Variants in FANCI observed in about 807,000 individuals in gnomAD.
FANCI encodes Fanconi anemia group I protein.
FANCI carries 156 observed loss-of-function variants against 176.1 expected under a neutral mutation model. That is an observed-to-expected ratio of 0.89 (90% confidence interval 0.78 to 1.01). The LOEUF (loss-of-function observed/expected upper bound fraction) is 1.01, where lower values mean the gene tolerates loss of function less well. Among genes scored for constraint, FANCI ranks in the 50% least tolerant of loss-of-function variants. The pLI, the probability that FANCI is intolerant of heterozygous loss-of-function variation, is 0.00. For missense variants in FANCI, 1,678 were observed against 1,534.1 expected (o/e 1.09, Z -1.57); for synonymous variants, 613 against 541.7 (o/e 1.13, Z -1.83).
At chr15:89,246,621 A>G (rs1338922815) in intron 1 of FANCI, among the ~76,000 whole-genome samples, 5 of 152,056 alleles carry the variant, frequency 3.3e-5, no homozygotes, top group Admixed American at 6.5e-5. Flanking sequence ...AATGTATACA[A>G]CCTGGTTGTC....
At chr15:89,246,932 A>AT (rs889480646) in intron 1 of FANCI, among the ~76,000 whole-genome samples, 48 of 149,648 alleles carry the variant, frequency 3.2e-4, no homozygotes, top group Non-Finnish European at 6.1e-4. Flanking sequence ...CGCCCAGCTA[A>AT]TTTTTTTTTG....
chr15:89,273,513 A>G (rs752942375), intron 11 of FANCI, 44 bp downstream of exon 11: 160 of 169,238 alleles, frequency 9.5e-4, no homozygotes, highest in Middle Eastern at 6.6e-3. Flanking sequence ...GTAGTTGGTA[A>G]AAAAAAAAAA....
chr15:89,258,593 C>T (rs746655580), intron 2 of FANCI, 111 bp from the exon 3 acceptor site: 14 of 815,614 alleles, frequency 1.7e-5, no homozygotes, highest in South Asian at 5.4e-5. Context: ...TAATACTTGG[C>T]GTCTCTGAAT....
chr15:89,286,486 G>C (rs997339359), intron 18 of FANCI, among the ~76,000 whole-genome samples: 1 of 152,156 alleles, frequency 6.6e-6, no homozygotes, highest in African/African-American at 2.4e-5. Context: ...TCATCTTTCT[G>C]TACATTTCCA....
chr15:89,262,238 C>CT (rs968409980), intron 6 of FANCI, among the ~76,000 whole-genome samples: 58 of 151,542 alleles, frequency 3.8e-4, no homozygotes, highest in African/African-American at 1.4e-3. Flanking sequence ...TGCATCTTTT[C>CT]TTTTTTTCTT....
intron 2 of FANCI, among the ~76,000 whole-genome samples, chr15:89,250,393 A>G (rs1167612480): frequency 6.6e-6 from 1 of 152,184 alleles, no homozygotes; most frequent in Non-Finnish European, 1.5e-5. Context: ...TGTCCTTTGT[A>G]GGGACATGGA....
intron 8 of FANCI, 57 bp from the exon 9 acceptor site, chr15:89,264,465 C>T: frequency 1.4e-6 from 2 of 1,414,904 alleles, no homozygotes; most frequent in Non-Finnish European, 2.0e-6. Context: ...ACTTTGAATT[C>T]AAATTGGTTA....
chr15:89,289,865 A>AT (rs764661945), intron 18 of FANCI, among the ~76,000 whole-genome samples: 63 of 150,562 alleles, frequency 4.2e-4, no homozygotes, highest in African/African-American at 1.5e-3. Flanking sequence ...TAATTTTTGT[A>AT]TTTTTTAGTA....
chr15:89,293,251 G>A (rs2054131936), intron 22 of FANCI, among the ~76,000 whole-genome samples, 188 bp downstream of exon 22: 1 of 152,100 alleles, frequency 6.6e-6, no homozygotes, highest in Admixed American at 6.6e-5. Context: ...TGCTTACCAG[G>A]CCTATAAAAT....
At chr15:89,258,674 A>C in intron 2 of FANCI, 30 bp from the exon 3 acceptor site, 2 of 1,568,224 alleles carry the variant, frequency 1.3e-6, no homozygotes, top group Non-Finnish European at 8.8e-7. Flanking sequence ...GACTGTTGCC[A>C]GAGACTTGTA....
chr15:89,256,120 A>G (rs2052482757), intron 2 of FANCI, among the ~76,000 whole-genome samples: 1 of 152,208 alleles, frequency 6.6e-6, no homozygotes, highest in Non-Finnish European at 1.5e-5. Context: ...GAACTATTTC[A>G]AAAAGAGTCA....
intron 16 of FANCI, chr15:89,282,707 A>C: frequency 4.2e-6 from 1 of 239,770 alleles, no homozygotes; most frequent in Non-Finnish European, 8.3e-6. Context: ...TGAGAAGACA[A>C]GTGTGACATT....
intron 3 of FANCI, among the ~76,000 whole-genome samples, chr15:89,260,187 A>G (rs1372052879): frequency 6.6e-6 from 1 of 152,150 alleles, no homozygotes; most frequent in Non-Finnish European, 1.5e-5. Context: ...TTAAAATGCA[A>G]AGAAAATTAA....
chr15:89,312,930 G>T lies in FANCI; in HGVS notation c.3678G>T (p.Thr1226=). ...ATAAGAGTAAGAGCCTGAACTATAC[G>T]GGAGAGAAAAAGGAGAAACCTGCTG... ...VQNKSKSLNY[T]GEKKEKPAAV... Residue 1226 remains threonine, a synonymous_variant, in exon 35 of 38, where the codon ACG becomes ACT. Coordinates refer to ENST00000310775, the MANE Select transcript of FANCI (RefSeq NM_001113378.2). 1 of 1,613,892 alleles carries T rather than the reference G, an allele frequency of 6.2e-7. No individual in the cohort carries two copies. Among genetic ancestry groups the T allele is most frequent in the Non-Finnish European group, 8.5e-7 (1 of 1,179,908 alleles).
intron 2 of FANCI, among the ~76,000 whole-genome samples, chr15:89,255,570 A>G (rs1478178612): frequency 6.6e-6 from 1 of 152,218 alleles, no homozygotes; most frequent in Admixed American, 6.5e-5. Flanking sequence ...CGAGAATGAC[A>G]TGATATCACC....
At chr15:89,257,847 C>G (rs2052561212) in intron 2 of FANCI, among the ~76,000 whole-genome samples, 1 of 152,176 alleles carries the variant, frequency 6.6e-6, no homozygotes, top group African/African-American at 2.4e-5. Context: ...CCATTTCACT[C>G]TTAAACCCCC....
rs34985075 is a variant in FANCI, at chr15:89,273,511, TAAAAAAAAAA to T, written c.975+57_975+66del. Reference sequence around the variant, plus strand: ...CCATTTTGTTTCTTTCTGTAGTTGGTAAAAAAAAAAAAAAAAAAAAAAAATCACAGTAATC... The same window carrying T: ...CCATTTTGTTTCTTTCTGTAGTTGGTAAAAAAAAAAAAAATCACAGTAATC... On this transcript the variant is annotated intron_variant, in intron 11 of 37. Coordinates refer to ENST00000310775, the MANE Select transcript of FANCI (RefSeq NM_001113378.2). The T allele has an allele frequency of 5.3e-4, 254 of 476,776 alleles. 1 individual carries two copies. The African/African-American group carries it at 5.7e-3, about 11-fold the overall frequency. 29.5% of individuals were successfully genotyped at this position (476,776 alleles called of 1,614,324 possible).
intron 6 of FANCI, 99 bp from the exon 7 acceptor site, chr15:89,263,320 C>G (rs913719808): frequency 2.0e-5 from 19 of 957,402 alleles, no homozygotes; most frequent in African/African-American, 1.6e-5. Context: ...ATTGCAAAAT[C>G]AAACTTGAAT....
At chr15:89,285,396 T>G (rs2053775178) in intron 18 of FANCI, among the ~76,000 whole-genome samples, 178 bp downstream of exon 18, 1 of 152,186 alleles carries the variant, frequency 6.6e-6, no homozygotes, top group African/African-American at 2.4e-5. Flanking sequence ...GGCTCACACC[T>G]GTAATCCCAA....
Sources: allele counts gnomAD v4.1 joint callset (sites outside exome capture counted in the v4.1 genomes callset), GRCh38; gene constraint gnomAD v4.1.1; transcripts MANE v1.5; gene names NCBI Gene and HGNC (gene_info 2026-07-23, HGNC 2026-07-21).